Variants in ME2 observed in about 807,000 individuals in gnomAD.
ME2 encodes the protein NAD-dependent malic enzyme, mitochondrial.
In ME2, 60 loss-of-function variants were observed where a neutral mutation model predicts 73.7. The observed-to-expected ratio is 0.81, with a 90% CI of 0.66 to 1.01. The LOEUF (loss-of-function observed/expected upper bound fraction) is 1.01. ME2 is among the 50% of genes least tolerant of loss of function. The probability of loss-of-function intolerance (pLI) is 0.00; values close to 1 mark genes in which losing one functional copy is unlikely to be tolerated. For synonymous variants in ME2, 199 were observed against 236.9 expected, an observed-to-expected ratio of 0.84 and a Z score of 1.47; for missense variants, 594 against 705.5, an observed-to-expected ratio of 0.84 and a Z score of 1.79.
chr18:50,914,945 TG>T, intron 4 of ME2, among the ~76,000 whole-genome samples: 4 of 152,332 alleles, frequency 2.6e-5, no homozygotes, highest in African/African-American at 9.6e-5. Flanking sequence ...AATGACTTTT[TG>T]TTAGCCATTC....
intron 13 of ME2, among the ~76,000 whole-genome samples, chr18:50,938,224 A>C (rs1599124623): frequency 6.6e-6 from 1 of 152,196 alleles, no homozygotes; most frequent in African/African-American, 2.4e-5. Context: ...GCTACTCAGG[A>C]AGCTGAGGTA....
chr18:50,927,721 C>CATATATATATATATATATATAT (rs368161371), intron 12 of ME2, among the ~76,000 whole-genome samples: 26 of 85,436 alleles, frequency 3.0e-4, no homozygotes, highest in Middle Eastern at 9.1e-3. Context: ...CCCAAAAAAC[C>CATATATATATATATATATATAT]ATATATATAT....
At chr18:50,919,859 T>A (rs930140301) in intron 7 of ME2, among the ~76,000 whole-genome samples, 1 of 151,932 alleles carries the variant, frequency 6.6e-6, no homozygotes, top group African/African-American at 2.4e-5. Context: ...CATTAACCAA[T>A]TTCTCCCTTA....
Position 50,917,475 on chromosome 18 carries a change from G to A in ME2, c.597G>A (p.Leu199=), listed in dbSNP as rs147002611. 102 of 1,612,886 alleles carry A rather than the reference G, an allele frequency of 6.3e-5. No homozygotes were observed. Among genetic ancestry groups the A allele is most frequent in the Non-Finnish European group, 8.5e-5 (100 of 1,179,208 alleles). The change falls in exon 6 of 16, where the codon CTG becomes CTA. Residue 199 remains leucine, a synonymous_variant. Transcript: ENST00000321341. Reference sequence around the variant, plus strand: ...CAGGAATACGGCCTGATAGATGCCTGCCAGTGTGTATTGATGTGGGAACTG... The same window carrying A: ...CAGGAATACGGCCTGATAGATGCCTACCAGTGTGTATTGATGTGGGAACTG... ...ACAGIRPDRC[L]PVCIDVGTDN... is the part of the protein sequence containing the mutation.
intron 13 of ME2, among the ~76,000 whole-genome samples, chr18:50,937,229 T>TA (rs1183179237): frequency 6.6e-6 from 1 of 151,992 alleles, no homozygotes; most frequent in Non-Finnish European, 1.5e-5. Context: ...ATTCTCTACT[T>TA]AAAAAAATGC....
At chr18:50,883,005 A>T (rs115642818) in intron 1 of ME2, among the ~76,000 whole-genome samples, 2,300 of 152,282 alleles carry the variant, frequency 0.015, 61 homozygotes, top group African/African-American at 0.052. Flanking sequence ...TCCTTTCCTT[A>T]AAAAAGGGAC....
intron 13 of ME2, among the ~76,000 whole-genome samples, chr18:50,937,182 G>A (rs796639391): frequency 2.0e-5 from 3 of 151,304 alleles, no homozygotes; most frequent in African/African-American, 7.3e-5. Context: ...AAAACTAAAA[G>A]TAAAAGTAAA....
intron 1 of ME2, among the ~76,000 whole-genome samples, chr18:50,894,584 A>G (rs1916689391): frequency 1.1e-5 from 1 of 94,264 alleles, no homozygotes; most frequent in Admixed American, 1.1e-4. Context: ...AAAAATCCCT[A>G]TTTTGGCCGG....
intron 13 of ME2, 80 bp from the exon 14 acceptor site, chr18:50,939,490 T>A: frequency 1.1e-6 from 1 of 940,208 alleles, no homozygotes. Context: ...GGATTACCAT[T>A]TATTTGCCTG....
Position 50,920,900 on chromosome 18 carries a change from G to A in ME2, c.942+142G>A, listed in dbSNP as rs1484736687. ...AGGATATGAAATCAAGAGTTCTGCT[G>A]TAAAACATGTAATTTAAAATATGTT... On this transcript the variant is annotated intron_variant, in intron 9 of 15. Coordinates refer to ENST00000321341, the MANE Select transcript of ME2 (RefSeq NM_002396.5). 3.7e-5 allele frequency: 27 copies of A among 731,906 alleles called. No homozygotes were observed. The South Asian group carries it at 4.6e-4, about 12-fold the overall frequency. 45.3% of individuals were successfully genotyped at this position (731,906 alleles called of 1,614,324 possible). A position where few individuals can be genotyped will look rare whatever the true frequency, so the allele number is the denominator to read the frequency against.
intron 4 of ME2, among the ~76,000 whole-genome samples, chr18:50,913,850 A>C (rs1249018104): frequency 1.9e-5 from 1 of 52,496 alleles, no homozygotes; most frequent in Admixed American, 2.2e-4. Flanking sequence ...GAAAATTATC[A>C]GCAATATTAT....
chr18:50,940,217 C>CT, intron 14 of ME2, 71 bp from the exon 15 acceptor site: 2 of 1,004,940 alleles, frequency 2.0e-6, no homozygotes, highest in Non-Finnish European at 3.1e-6. Context: ...TTCCCCAATG[C>CT]TTTTTCCATT....
chr18:50,880,400 G>A (rs905438515), intron 1 of ME2, among the ~76,000 whole-genome samples: 1 of 152,148 alleles, frequency 6.6e-6, no homozygotes, highest in African/African-American at 2.4e-5. Flanking sequence ...CATTGCTCAT[G>A]TTGTTAAGCT....
intron 3 of ME2, among the ~76,000 whole-genome samples, chr18:50,908,956 CTTTTT>C (rs71171364): frequency 1.6e-5 from 2 of 127,372 alleles, no homozygotes; most frequent in Non-Finnish European, 1.6e-5. Flanking sequence ...CTTTTCTTTT[CTTTTT>C]TTTTTTTTTT....
In ME2 at chr18:50,947,129, C is replaced by A; in HGVS notation, c.1700C>A (p.Pro567Gln). ...CGGAGTGAATATGATTCCCTGCTGC[C>A]AGATGTGTATGAATGGCCAGAATCT... is the stretch of plus-strand genomic sequence containing the variant. The part of the protein sequence containing the change: ...TWRSEYDSLL[P>Q]DVYEWPESAS... The change falls in exon 16 of 16, where the codon CCA becomes CAA. Residue 567 changes from proline (P) to glutamine (Q), a missense_variant. Transcript: ENST00000321341. 1 of 1,613,896 alleles carries A rather than the reference C, an allele frequency of 6.2e-7. No homozygotes were observed. Among genetic ancestry groups the A allele is most frequent in the Admixed American group, 1.7e-5 (1 of 60,012 alleles).
chr18:50,901,394 TATTAG>T (rs947939411), intron 2 of ME2, among the ~76,000 whole-genome samples: 7 of 152,202 alleles, frequency 4.6e-5, no homozygotes, highest in African/African-American at 1.2e-4. Context: ...ATATGTCTTA[TATTAG>T]ATTGTACAAG....
chr18:50,907,091 C>T (rs1568164311), intron 2 of ME2, among the ~76,000 whole-genome samples: 1 of 152,188 alleles, frequency 6.6e-6, no homozygotes, highest in Non-Finnish European at 1.5e-5. Context: ...CCAACAAGCA[C>T]TTCTGGGGAA....
intron 13 of ME2, 23 bp from the exon 14 acceptor site, chr18:50,939,547 G>A: frequency 6.4e-7 from 1 of 1,557,218 alleles, no homozygotes; most frequent in Non-Finnish European, 8.8e-7. Flanking sequence ...GACCATACTA[G>A]TAAACTTTAA....
chr18:50,923,259 CA>C (rs1917471087), intron 10 of ME2, among the ~76,000 whole-genome samples: 2 of 152,110 alleles, frequency 1.3e-5, no homozygotes, highest in South Asian at 4.2e-4. Flanking sequence ...AAATTTTTTC[CA>C]AAATTTATTT....
Sources: gnomAD v4.1 joint callset for allele counts (sites outside exome capture counted in the v4.1 genomes callset) on GRCh38, gnomAD v4.1.1 for gene constraint, MANE v1.5 for transcripts, NCBI Gene and HGNC (gene_info 2026-07-23, HGNC 2026-07-21) for gene names.